The following ELMOD1 variants were observed in gnomAD, a reference collection of about 807,000 sequenced individuals.
ELMOD1 encodes ELMO domain-containing protein 1.
In ELMOD1, 21 loss-of-function variants were observed where a neutral mutation model predicts 46.7. The observed-to-expected ratio is 0.45, with a 90% CI of 0.32 to 0.65. The LOEUF (loss-of-function observed/expected upper bound fraction) is 0.65, where lower values mean the gene tolerates loss of function less well. Ranked by LOEUF, ELMOD1 falls within the 30% of genes least tolerant of loss-of-function variation. The pLI is 0.04. For synonymous variants in ELMOD1, 122 were observed against 138.2 expected (o/e 0.88, Z 0.82); for missense variants, 348 against 407.8 (o/e 0.85, Z 1.26).
intron 11 of ELMOD1, among the ~76,000 whole-genome samples, chr11:107,660,710 T>G (rs888661597): frequency 9.9e-5 from 15 of 152,196 alleles, no homozygotes; most frequent in African/African-American, 3.6e-4. Flanking sequence ...AAGATGGAGA[T>G]GTAATATCTG....
rs189222448 is a variant in ELMOD1 at position 107,632,151 on chromosome 11, T to C, written c.290+474T>C. 2.1e-3 allele frequency among the ~76,000 whole-genome samples: 315 copies of C among 152,286 alleles called. 4 individuals are homozygous for C. The highest frequency in any genetic ancestry group is 6.0e-4 in the Non-Finnish European group (41 of 68,020). ...GACAGGCATGTGTGGGAAGGAGAAATGGTTTTTATATGAAGACTTTAGAAC... is the reference window on the plus strand; with the variant it reads ...GACAGGCATGTGTGGGAAGGAGAAACGGTTTTTATATGAAGACTTTAGAAC... On this transcript the variant is annotated intron_variant, in intron 5 of 11. Transcript: ENST00000265840.
chr11:107,654,103 C>T, intron 9 of ELMOD1, 69 bp from the exon 10 acceptor site: 1 of 1,275,446 alleles, frequency 7.8e-7, no homozygotes, highest in South Asian at 1.3e-5. Context: ...TTAACATAAG[C>T]ATTAAAAGAG....
intron 2 of ELMOD1, among the ~76,000 whole-genome samples, chr11:107,628,480 CCTT>C (rs1365241926): frequency 6.6e-6 from 1 of 151,926 alleles, no homozygotes; most frequent in Non-Finnish European, 1.5e-5. Flanking sequence ...GTTTTATAAA[CCTT>C]CTCACTTGTC....
chr11:107,615,622 A>C (rs1289758791), intron 1 of ELMOD1, among the ~76,000 whole-genome samples: 1 of 152,146 alleles, frequency 6.6e-6, no homozygotes, highest in African/African-American at 2.4e-5. Context: ...TCCTTGCTTC[A>C]TTCAATTTTT....
intron 6 of ELMOD1, 72 bp downstream of exon 6, chr11:107,635,837 G>C: frequency 1.3e-6 from 2 of 1,489,506 alleles, no homozygotes; most frequent in Non-Finnish European, 1.8e-6. Flanking sequence ...CTATGTGCTA[G>C]GCGCTGCTCT....
At position 107,615,229 on chromosome 11, in the gene ELMOD1, C is replaced by CTTTTTTT. The variant is rs34461488; in HGVS notation, c.-85-2857_-85-2851dup. ...TTATACTTTCCCCTGTTGTCAGCATCTTTTTTTTTTTTTTTTTTTTTTTTT... is the reference window on the plus strand; with the variant it reads ...TTATACTTTCCCCTGTTGTCAGCATCTTTTTTTTTTTTTTTTTTTTTTTTTTTTTTTT... On this transcript the variant is annotated intron_variant, in intron 1 of 11. Coordinates refer to ENST00000265840, the MANE Select transcript of ELMOD1 (RefSeq NM_018712.4). Among the ~76,000 whole-genome samples, 30 of 81,136 alleles carry CTTTTTTT rather than the reference C, an allele frequency of 3.7e-4. 1 individual carries two copies. The highest frequency in any genetic ancestry group is 8.8e-4 in the East Asian group (2 of 2,264). 53.2% of individuals were successfully genotyped at this position (81,136 alleles called of 152,430 possible).
chr11:107,606,638 C>T (rs1865689414), intron 1 of ELMOD1, among the ~76,000 whole-genome samples: 1 of 152,114 alleles, frequency 6.6e-6, no homozygotes, highest in South Asian at 2.1e-4. Context: ...AGTTCAAGAC[C>T]AGCCTGGCCA....
intron 6 of ELMOD1, among the ~76,000 whole-genome samples, chr11:107,641,109 T>C (rs1866315244): frequency 6.6e-6 from 1 of 152,068 alleles, no homozygotes; most frequent in South Asian, 2.1e-4. Context: ...CTGGCCAACA[T>C]GGTGAAACAC....
intron 6 of ELMOD1, among the ~76,000 whole-genome samples, chr11:107,642,579 C>T (rs1359756657): frequency 6.6e-6 from 1 of 152,088 alleles, no homozygotes; most frequent in African/African-American, 2.4e-5. Flanking sequence ...CCGTCTTGGC[C>T]AGGCTGGTCT....
chr11:107,640,444 G>A (rs1057258330), intron 6 of ELMOD1, among the ~76,000 whole-genome samples: 1 of 152,096 alleles, frequency 6.6e-6, no homozygotes, highest in African/African-American at 2.4e-5. Context: ...TAATGACTGT[G>A]GCTGCTGGGC....
At chr11:107,595,050 T>G (rs1865468879) in intron 1 of ELMOD1, among the ~76,000 whole-genome samples, 1 of 152,138 alleles carries the variant, frequency 6.6e-6, no homozygotes, top group Non-Finnish European at 1.5e-5. Context: ...ACCACTGCAG[T>G]CCATGTAGAG....
At chr11:107,603,903 A>G (rs972769819) in intron 1 of ELMOD1, among the ~76,000 whole-genome samples, 6 of 150,490 alleles carry the variant, frequency 4.0e-5, no homozygotes, top group Admixed American at 1.3e-4. Flanking sequence ...ATTAAAGATT[A>G]AAAAAAAACA....
chr11:107,620,413 A>G (rs1051777203), intron 2 of ELMOD1: 3 of 152,246 alleles, frequency 2.0e-5, no homozygotes, highest in African/African-American at 7.2e-5. Context: ...GAATAGAGAA[A>G]ATATTCAATG....
chr11:107,639,255 T>A (rs1232726311), intron 6 of ELMOD1, among the ~76,000 whole-genome samples: 1 of 152,222 alleles, frequency 6.6e-6, no homozygotes, highest in East Asian at 1.9e-4. Flanking sequence ...CATGTTTAAG[T>A]GCTTGGCTTT....
At chr11:107,628,289 C>G (rs1866077905) in intron 2 of ELMOD1, among the ~76,000 whole-genome samples, 1 of 152,016 alleles carries the variant, frequency 6.6e-6, no homozygotes, top group Non-Finnish European at 1.5e-5. Context: ...GCCTCAGCCT[C>G]CCAAGTAGCT....
intron 11 of ELMOD1, among the ~76,000 whole-genome samples, chr11:107,656,836 A>G (rs1304334196): frequency 2.6e-5 from 4 of 152,176 alleles, no homozygotes; most frequent in Non-Finnish European, 5.9e-5. Context: ...GAAATCTCCA[A>G]GAAGGATTAG....
intron 11 of ELMOD1, among the ~76,000 whole-genome samples, chr11:107,662,350 C>T (rs1337312145): frequency 6.6e-6 from 1 of 152,186 alleles, no homozygotes; most frequent in Non-Finnish European, 1.5e-5. Context: ...GTGGCTCACG[C>T]CTGTAATCCC....
Position 107,654,215 on chromosome 11 carries a change from G to A in ELMOD1, c.691G>A (p.Ala231Thr), listed in dbSNP as rs769084284. Reference sequence around the variant, plus strand: ...ATGGGAGAAGAAAAGGATGGATAAGGCAATTGGGTGAGTATGGGATCTCAC... The same window carrying A: ...ATGGGAGAAGAAAAGGATGGATAAGACAATTGGGTGAGTATGGGATCTCAC... ...AEWEKKRMDK[A>T]IGYSFAIVGI... Residue 231 changes from alanine to threonine, a missense_variant, in exon 10 of 12, where the codon GCA (alanine) becomes ACA (threonine). Physicochemically the swap from Ala to Thr is moderately conservative, Grantham distance 58. Transcript: ENST00000265840. 5 of 1,591,010 alleles carry A rather than the reference G, an allele frequency of 3.1e-6. No homozygotes were observed. The highest frequency in any genetic ancestry group is 1.2e-5 in the South Asian group (1 of 86,704).
chr11:107,611,350 C>T (rs552965987), intron 1 of ELMOD1, among the ~76,000 whole-genome samples: 1 of 152,170 alleles, frequency 6.6e-6, no homozygotes, highest in Admixed American at 6.5e-5. Context: ...GGATCTAAAA[C>T]CAGCATCTAT....
Sources: gnomAD v4.1 joint callset for allele counts (sites outside exome capture counted in the v4.1 genomes callset) on GRCh38, gnomAD v4.1.1 for gene constraint, MANE v1.5 for transcripts, NCBI Gene and HGNC (gene_info 2026-07-23, HGNC 2026-07-21) for gene names.